The following NF2 variants were observed in gnomAD, a reference collection of about 807,000 sequenced individuals.
NF2 encodes the protein merlin.
In NF2, 8 loss-of-function variants were observed where a neutral mutation model predicts 83.7. The observed-to-expected ratio is 0.10, with a 90% CI of 0.06 to 0.17. The LOEUF (loss-of-function observed/expected upper bound fraction) is 0.17. Among genes scored for constraint, NF2 ranks in the 10% least tolerant of loss-of-function variants. The pLI is 1.00. For missense variants in NF2, 533 were observed against 744.4 expected, an observed-to-expected ratio of 0.72 and a Z score of 3.31; for synonymous variants, 266 against 269.6, an observed-to-expected ratio of 0.99 and a Z score of 0.13.
chr22:29,680,579 C>T (rs1179322994), intron 14 of NF2, among the ~76,000 whole-genome samples: 1 of 152,230 alleles, frequency 6.6e-6, no homozygotes, highest in Non-Finnish European at 1.5e-5. Flanking sequence ...TAGTTGGACA[C>T]TTTGTGGGTG....
intron 10 of NF2, among the ~76,000 whole-genome samples, chr22:29,671,313 A>G (rs1320889066): frequency 1.3e-5 from 2 of 152,114 alleles, no homozygotes; most frequent in Non-Finnish European, 2.9e-5. Flanking sequence ...GGTGGATCAT[A>G]AGGTCAGGAG....
At chr22:29,624,034 A>G (rs1431900949) in intron 1 of NF2, among the ~76,000 whole-genome samples, 1 of 152,194 alleles carries the variant, frequency 6.6e-6, no homozygotes, top group African/African-American at 2.4e-5. Context: ...GAGGACAGGA[A>G]GAATATTGCT....
At chr22:29,677,337 T>C (rs2066994725) in intron 13 of NF2, among the ~76,000 whole-genome samples, 1 of 151,596 alleles carries the variant, frequency 6.6e-6, no homozygotes, top group South Asian at 2.1e-4. Flanking sequence ...GGATGGAGCA[T>C]AGGGAGGAGA....
chr22:29,627,005 A>G (rs2065384027), intron 1 of NF2, among the ~76,000 whole-genome samples: 1 of 152,206 alleles, frequency 6.6e-6, no homozygotes. Context: ...ATCATTATAC[A>G]GTCAACTCAT....
At chr22:29,624,798 CCTCTTTCT>C (rs2065300085) in intron 1 of NF2, among the ~76,000 whole-genome samples, 2 of 141,858 alleles carry the variant, frequency 1.4e-5, no homozygotes, top group Non-Finnish European at 3.1e-5. Flanking sequence ...GTTGAAGGGT[CCTCTTTCT>C]TTCTTTCTTT....
intron 8 of NF2, among the ~76,000 whole-genome samples, chr22:29,663,356 C>T (rs1346686009): frequency 2.0e-5 from 3 of 152,176 alleles, no homozygotes; most frequent in East Asian, 1.9e-4. Flanking sequence ...ATGCCCTCTC[C>T]GGGGGACAGG....
chr22:29,659,314 A>G (rs1416591114), intron 7 of NF2, among the ~76,000 whole-genome samples: 1 of 152,226 alleles, frequency 6.6e-6, no homozygotes, highest in East Asian at 1.9e-4. Flanking sequence ...CTAAAGTTTT[A>G]TAATCCTCAG....
At chr22:29,654,855 A>G (rs1005918941) in intron 5 of NF2, 130 bp downstream of exon 5, 10 of 767,292 alleles carry the variant, frequency 1.3e-5, no homozygotes, top group Non-Finnish European at 1.6e-5. Flanking sequence ...TGTAATCTCC[A>G]GTAAACAGTG....
Position 29,618,651 on chromosome 22 carries a change from A to G in NF2, c.114+14539A>G, listed in dbSNP as rs113364108. Among the ~76,000 whole-genome samples, 123 of 152,378 alleles carry G rather than the reference A, an allele frequency of 8.1e-4. 3 individuals are homozygous for G. The highest frequency in any genetic ancestry group is 2.9e-3 in the African/African-American group (120 of 41,582). ...GCTGGAATTTTACTCTAATAATTCA[A>G]TCTATCAGTAAGAAAAGCCAAATAG... On this transcript the variant is annotated intron_variant, in intron 1 of 15. Transcript: ENST00000338641.
intron 4 of NF2, among the ~76,000 whole-genome samples, chr22:29,644,349 T>C (rs2065916385): frequency 1.4e-5 from 2 of 145,430 alleles, no homozygotes; most frequent in African/African-American, 5.2e-5. Context: ...CGCTCCTCAC[T>C]TCCTAGATGT....
At chr22:29,620,524 A>C (rs1290850623) in intron 1 of NF2, among the ~76,000 whole-genome samples, 7 of 146,734 alleles carry the variant, frequency 4.8e-5, no homozygotes, top group Admixed American at 1.4e-4. Flanking sequence ...TGGATCCCTG[A>C]GGTCAGGAGT....
At chr22:29,681,282 G>C (rs574306114) in intron 14 of NF2, among the ~76,000 whole-genome samples, 157 bp from the exon 15 acceptor site, 1 of 152,182 alleles carries the variant, frequency 6.6e-6, no homozygotes, top group East Asian at 1.9e-4. Context: ...TAAGTGACCA[G>C]CCCAAGCTCC....
intron 11 of NF2, 109 bp from the exon 12 acceptor site, chr22:29,673,160 G>A: frequency 8.4e-7 from 1 of 1,192,274 alleles, no homozygotes; most frequent in Non-Finnish European, 1.2e-6. Context: ...TCAGCAGCAG[G>A]GCCCCAGGAG....
intron 1 of NF2, chr22:29,608,918 A>G: frequency 1.8e-6 from 1 of 554,736 alleles, no homozygotes; most frequent in South Asian, 2.1e-5. Flanking sequence ...GGGCTGCAAG[A>G]TTGGCCTGTC....
At chr22:29,661,686 T>C (rs568348463) in intron 8 of NF2, among the ~76,000 whole-genome samples, 1 of 152,348 alleles carries the variant, frequency 6.6e-6, no homozygotes, top group East Asian at 1.9e-4. Context: ...TCATTATGCA[T>C]GCCCAGACTG....
intron 1 of NF2, among the ~76,000 whole-genome samples, chr22:29,626,615 T>C (rs867128626): frequency 1.3e-5 from 2 of 152,244 alleles, no homozygotes; most frequent in Non-Finnish European, 2.9e-5. Context: ...CTGGGTTCAA[T>C]AGAAGCTAGT....
At chr22:29,663,652 A>G (rs372690901) in intron 8 of NF2, among the ~76,000 whole-genome samples, 2 of 152,372 alleles carry the variant, frequency 1.3e-5, no homozygotes, top group East Asian at 1.9e-4. Flanking sequence ...CAAGAGCAAC[A>G]CTGCTTCTAA....
In NF2 at chr22:29,622,646, A is replaced by ATTTT. The variant is rs35744962; in HGVS notation, c.115-14081_115-14078dup. 3.2e-4 allele frequency among the ~76,000 whole-genome samples: 20 copies of ATTTT among 63,280 alleles called. 1 individual carries two copies. Among genetic ancestry groups the ATTTT allele is most frequent in the South Asian group, 6.1e-4 (1 of 1,640 alleles). The allele number at this position is 63,280 out of a possible 152,430, so 41.5% of individuals were successfully genotyped here. Reference sequence around the variant, plus strand: ...ACAGTTCAGTTTTGGAAGACCCTGTATTTTTTTTTTTTTTTTTTTTTTTTT... The same window carrying ATTTT: ...ACAGTTCAGTTTTGGAAGACCCTGTATTTTTTTTTTTTTTTTTTTTTTTTTTTTT... On this transcript the variant is annotated intron_variant, in intron 1 of 15. Coordinates refer to ENST00000338641, the MANE Select transcript of NF2 (RefSeq NM_000268.4).
Position 29,636,786 on chromosome 22 carries a change from G to A in NF2, c.150G>A (p.Val50=), listed in dbSNP as rs1601578932. The A allele has an allele frequency of 6.2e-7, 1 of 1,614,198 alleles. No individual in the cohort carries two copies. Among genetic ancestry groups the A allele is most frequent in the South Asian group, 1.1e-5 (1 of 91,082 alleles). ...AAGGGAAGGACCTCTTTGATTTGGT[G>A]TGCCGGACTCTGGGGCTCCGAGAAA... The part of the protein sequence containing the change: ...KWKGKDLFDL[V]CRTLGLRETW... Residue 50 remains valine (V), a synonymous_variant, in exon 2 of 16, where the codon GTG becomes GTA. Coordinates refer to ENST00000338641, the MANE Select transcript of NF2 (RefSeq NM_000268.4). This position sits in a 1 kb window ranked among gnomAD's most constrained non-coding sequence, Gnocchi z 4.4.
Sources: gnomAD v4.1 joint callset for allele counts (sites outside exome capture counted in the v4.1 genomes callset) on GRCh38, gnomAD v4.1.1 for gene constraint, Gnocchi (gnomAD v3.1) non-coding constraint, MANE v1.5 for transcripts, NCBI Gene and HGNC (gene_info 2026-07-23, HGNC 2026-07-21) for gene names.